The following SRGAP3 variants were observed in gnomAD, a reference collection of about 807,000 sequenced individuals.
SRGAP3 encodes the protein SLIT-ROBO Rho GTPase activating protein 3, also known as SLIT-ROBO Rho GTPase-activating protein 3.
SRGAP3 carries 39 observed loss-of-function variants against 121.1 expected under a neutral mutation model. That is an observed-to-expected ratio of 0.32 (90% CI 0.25 to 0.42). The LOEUF is 0.42. Among genes scored for constraint, SRGAP3 ranks in the 10% least tolerant of loss-of-function variants. The pLI is 1.00. For synonymous variants in SRGAP3, 601 were observed against 570.0 expected, an observed-to-expected ratio of 1.05 and a Z score of -0.77; for missense variants, 1,213 against 1,470.6, an observed-to-expected ratio of 0.82 and a Z score of 2.86.
intron 3 of SRGAP3, among the ~76,000 whole-genome samples, chr3:9,270,889 C>G (rs971545478): frequency 6.6e-6 from 1 of 152,030 alleles, no homozygotes; most frequent in Non-Finnish European, 1.5e-5. Context: ...ACCTCTGGTA[C>G]CAATAACCGC....
At chr3:9,201,801 A>G (rs1367610045) in intron 1 of SRGAP3, among the ~76,000 whole-genome samples, 1 of 152,202 alleles carries the variant, frequency 6.6e-6, no homozygotes, top group Non-Finnish European at 1.5e-5. Context: ...TAAGTTGCCT[A>G]ACTGATAAAT....
At chr3:9,355,536 T>G (rs2030448697) in intron 1 of SRGAP3, among the ~76,000 whole-genome samples, 1 of 152,224 alleles carries the variant, frequency 6.6e-6, no homozygotes, top group South Asian at 2.1e-4. Flanking sequence ...CTGCCTGGGA[T>G]GCTCCCCTCC....
chr3:9,310,224 T>C (rs961204772), intron 3 of SRGAP3, among the ~76,000 whole-genome samples: 33 of 152,082 alleles, frequency 2.2e-4, no homozygotes, highest in Admixed American at 2.0e-3. Context: ...AGGATGAACA[T>C]GGGTAAATAT....
At chr3:9,191,263 T>C (rs928263976) in intron 1 of SRGAP3, among the ~76,000 whole-genome samples, 3 of 152,168 alleles carry the variant, frequency 2.0e-5, no homozygotes, top group Admixed American at 6.5e-5. Flanking sequence ...ACGGAAAACA[T>C]TGGAGAGAAA....
intron 18 of SRGAP3, among the ~76,000 whole-genome samples, chr3:8,999,576 A>G (rs1187290053): frequency 6.6e-6 from 1 of 152,120 alleles, no homozygotes; most frequent in Admixed American, 6.5e-5. Context: ...AAGTGAGAAC[A>G]CTAATCTCAT....
chr3:9,112,736 T>C (rs2124940227), intron 2 of SRGAP3, among the ~76,000 whole-genome samples: 1 of 152,302 alleles, frequency 6.6e-6, no homozygotes. Context: ...CCACACACCC[T>C]ATGTCACACT....
chr3:9,308,016 G>A (rs1169967237), intron 3 of SRGAP3, among the ~76,000 whole-genome samples: 2 of 152,190 alleles, frequency 1.3e-5, no homozygotes, highest in African/African-American at 2.4e-5. Flanking sequence ...TTAGCTGGAC[G>A]TGGTGGTGCA....
chr3:9,187,169 G>C (rs1951622531), intron 1 of SRGAP3, among the ~76,000 whole-genome samples: 1 of 142,774 alleles, frequency 7.0e-6, no homozygotes, highest in Non-Finnish European at 1.5e-5. Flanking sequence ...GTGTCCATGT[G>C]TTCTCATCGT....
intron 2 of SRGAP3, among the ~76,000 whole-genome samples, chr3:9,116,620 G>A (rs1403709057): frequency 6.6e-6 from 1 of 152,176 alleles, no homozygotes; most frequent in Non-Finnish European, 1.5e-5. Context: ...TGTAGGAGTT[G>A]ACCAGGAGGA....
chr3:9,248,152 A>G (rs535462736), intron 1 of SRGAP3, among the ~76,000 whole-genome samples: 1 of 152,358 alleles, frequency 6.6e-6, no homozygotes, highest in South Asian at 2.1e-4. Context: ...GGCAGCGCTG[A>G]CCAGCCCAAA....
At chr3:9,153,084 G>GT (rs1950268196) in intron 1 of SRGAP3, among the ~76,000 whole-genome samples, 1 of 152,124 alleles carries the variant, frequency 6.6e-6, no homozygotes, top group South Asian at 2.1e-4. Context: ...AACCCCACCT[G>GT]TGACAGCTGT....
chr3:9,083,232 C>T (rs897189331), intron 3 of SRGAP3, among the ~76,000 whole-genome samples: 3 of 152,178 alleles, frequency 2.0e-5, no homozygotes, highest in Non-Finnish European at 4.4e-5. Flanking sequence ...TCCCCAACAC[C>T]TTTGACACCC....
intron 3 of SRGAP3, among the ~76,000 whole-genome samples, chr3:9,286,070 C>T (rs1954761845): frequency 6.6e-6 from 1 of 150,544 alleles, no homozygotes; most frequent in African/African-American, 2.4e-5. Flanking sequence ...TGTGATCATG[C>T]CACTGCACTC....
intron 3 of SRGAP3, among the ~76,000 whole-genome samples, chr3:9,299,883 C>T (rs151333844): frequency 3.9e-4 from 60 of 151,986 alleles, no homozygotes; most frequent in African/African-American, 1.3e-3. Flanking sequence ...CTAGCCTGGG[C>T]GACAGAGTGA....
At chr3:9,154,433 C>T (rs1950332176) in intron 1 of SRGAP3, among the ~76,000 whole-genome samples, 1 of 152,030 alleles carries the variant, frequency 6.6e-6, no homozygotes, top group African/African-American at 2.4e-5. Context: ...CCTCGCCTCC[C>T]CCTGCTCAGC....
intron 3 of SRGAP3, among the ~76,000 whole-genome samples, chr3:9,274,139 TG>T (rs1470858091): frequency 1.3e-4 from 20 of 152,350 alleles, no homozygotes; most frequent in Admixed American, 1.3e-3. Flanking sequence ...GCATCATGTC[TG>T]GTACATAGGA....
At chr3:9,259,017 C>G (rs1954195489) in intron 3 of SRGAP3, among the ~76,000 whole-genome samples, 1 of 152,226 alleles carries the variant, frequency 6.6e-6, no homozygotes, top group Non-Finnish European at 1.5e-5. Context: ...CCGCCTCGCT[C>G]CTAAGCCCAT....
chr3:9,279,231 G>A (rs933043513), intron 3 of SRGAP3, among the ~76,000 whole-genome samples: 1 of 152,136 alleles, frequency 6.6e-6, no homozygotes, highest in Non-Finnish European at 1.5e-5. Context: ...GTTCATCCCT[G>A]CATCAGTCAT....
At chr3:9,047,872 C>G (rs1282726258) in intron 9 of SRGAP3, among the ~76,000 whole-genome samples, 1 of 152,244 alleles carries the variant, frequency 6.6e-6, no homozygotes, top group Non-Finnish European at 1.5e-5. Flanking sequence ...GTCCCAGGGG[C>G]CACGCAGCCG....
Sources: allele counts gnomAD v4.1 joint callset (sites outside exome capture counted in the v4.1 genomes callset), GRCh38; gene constraint gnomAD v4.1.1; transcripts MANE v1.5; gene names NCBI Gene and HGNC (gene_info 2026-07-23, HGNC 2026-07-21).